The following TRPV4 variants were observed in gnomAD, a reference collection of about 807,000 sequenced individuals.
The protein encoded by TRPV4 is transient receptor potential cation channel subfamily V member 4, also known as OSM9-like transient receptor potential channel 4.
A neutral mutation model predicts 84.1 loss-of-function variants in TRPV4; 58 were observed. The ratio of observed to expected loss-of-function variants is 0.69; its 90% CI spans 0.56 to 0.86. The LOEUF is 0.86. Among genes scored for constraint, TRPV4 ranks in the 40% least tolerant of loss-of-function variants. The pLI is 0.00. For missense variants in TRPV4, 879 were observed against 1,181.1 expected (o/e 0.74, Z 3.75); for synonymous variants, 489 against 500.9 (o/e 0.98, Z 0.32).
chr12:109,814,672 C>T lies in TRPV4; in HGVS notation c.125G>A (p.Gly42Glu). 6.2e-7 allele frequency: 1 copy of T among 1,612,980 alleles called. No homozygotes were observed. The highest frequency in any genetic ancestry group is 8.5e-7 in the Non-Finnish European group (1 of 1,179,712). The change falls in exon 2 of 16, where the codon GGG becomes GAG. Residue 42 changes from glycine to glutamate, a missense_variant. By Grantham distance (98) the Gly-to-Glu change is moderately conservative. This residue lies in a region of TRPV4 where 107 missense variants were observed against 99.4 expected (regional missense o/e 1.08). Transcript: ENST00000261740. This position sits in a 1 kb window ranked among gnomAD's most constrained non-coding sequence, Gnocchi z 5.4. ...PLSSLANLFE[G>E]EDGSLSPSPA... Reference sequence around the variant, plus strand: ...TGAGGGCGAAAGGGAGCCATCCTCCCCCTCAAACAGATTGGCCAGGGAGGA... The same window carrying T: ...TGAGGGCGAAAGGGAGCCATCCTCCTCCTCAAACAGATTGGCCAGGGAGGA...
intron 4 of TRPV4, among the ~76,000 whole-genome samples, chr12:109,802,611 T>TTTA (rs1219584393): frequency 1.1e-5 from 1 of 91,654 alleles, no homozygotes; most frequent in Non-Finnish European, 2.0e-5. Flanking sequence ...CTTCTTTTAT[T>TTTA]TTATTTTTTT....
chr12:109,806,755 C>G (rs1047810616), intron 3 of TRPV4, among the ~76,000 whole-genome samples: 1 of 150,326 alleles, frequency 6.7e-6, no homozygotes, highest in Non-Finnish European at 1.5e-5. Context: ...CAACTACTCT[C>G]GAGGCCGAAG....
At chr12:109,820,514 C>CTTTTTTTTTTTTTTTTTTTTTTTTT (rs1186445597) in intron 1 of TRPV4, among the ~76,000 whole-genome samples, 1 of 123,078 alleles carries the variant, frequency 8.1e-6, no homozygotes, top group African/African-American at 3.1e-5. Context: ...TTCAGCTGCC[C>CTTTTTTTTTTTTTTTTTTTTTTTTT]TATTTTTTTT....
chr12:109,805,996 T>C (rs962721000), intron 3 of TRPV4, among the ~76,000 whole-genome samples: 14 of 152,198 alleles, frequency 9.2e-5, no homozygotes, highest in African/African-American at 3.4e-4. Context: ...CCTCACGTAC[T>C]TGGTGGACCA....
At chr12:109,825,727 G>A (rs1159346348) in intron 1 of TRPV4, among the ~76,000 whole-genome samples, 4 of 152,278 alleles carry the variant, frequency 2.6e-5, no homozygotes, top group Admixed American at 6.5e-5. Context: ...CCATGCATAC[G>A]TTCCTCTACC....
intron 1 of TRPV4, among the ~76,000 whole-genome samples, chr12:109,823,317 G>A (rs1892162256): frequency 6.6e-6 from 1 of 152,220 alleles, no homozygotes; most frequent in African/African-American, 2.4e-5. Flanking sequence ...ACACCACCCA[G>A]GCAGGGCAGG....
chr12:109,783,393 T>G lies in TRPV4; in HGVS notation c.*228A>C. ...GGCCTGAGGTGGAGGGGCTCTGGCG[T>G]TGGCTTATGTGACTCCATAGGAGCA... On this transcript the variant is annotated 3_prime_UTR_variant, in exon 16 of 16. Coordinates refer to ENST00000261740, the MANE Select transcript of TRPV4 (RefSeq NM_021625.5). The surrounding 1 kb of genome is among the most constrained non-coding windows in gnomAD (Gnocchi z 4.6). 1.9e-6 allele frequency: 1 copy of G among 527,220 alleles called. No homozygotes were observed. The highest frequency in any genetic ancestry group is 3.3e-6 in the Non-Finnish European group (1 of 301,304). 32.7% of individuals were successfully genotyped at this position (527,220 alleles called of 1,614,324 possible). A position where few individuals can be genotyped will look rare whatever the true frequency, so the allele number is the denominator to read the frequency against.
chr12:109,784,766 C>A (rs1247839094), intron 14 of TRPV4, among the ~76,000 whole-genome samples: 4 of 149,806 alleles, frequency 2.7e-5, no homozygotes, highest in Non-Finnish European at 5.9e-5. Context: ...ATCACTTGAA[C>A]CTGGGAGGCA....
chr12:109,828,617 C>A (rs1358552996), intron 1 of TRPV4, among the ~76,000 whole-genome samples: 1 of 152,218 alleles, frequency 6.6e-6, no homozygotes, highest in Non-Finnish European at 1.5e-5. Context: ...CACAGAGCAG[C>A]AACTGGCGGA....
chr12:109,824,819 C>G (rs1592873868), intron 1 of TRPV4, among the ~76,000 whole-genome samples: 1 of 152,154 alleles, frequency 6.6e-6, no homozygotes, highest in East Asian at 1.9e-4. Flanking sequence ...AGGATGGTCA[C>G]AGCCACGGAG....
Position 109,814,338 on chromosome 12 carries a change from A to T in TRPV4, c.386+73T>A. The T allele has an allele frequency of 1.3e-6, 2 of 1,531,506 alleles. No homozygotes were observed. Among genetic ancestry groups the T allele is most frequent in the Non-Finnish European group, 1.8e-6 (2 of 1,120,682 alleles). 94.9% of individuals were successfully genotyped at this position (1,531,506 alleles called of 1,614,324 possible). The stretch of plus-strand genomic sequence containing the variant: ...ATCGACGGATGGGTGGATAATAGAT[A>T]GAGGGGTGGATGATGAATGGGTGAA... On this transcript the variant is annotated intron_variant, in intron 2 of 15. Transcript: ENST00000261740. This position sits in a 1 kb window ranked among gnomAD's most constrained non-coding sequence, Gnocchi z 5.4.
intron 1 of TRPV4, among the ~76,000 whole-genome samples, chr12:109,830,825 T>C (rs973652535): frequency 6.6e-6 from 1 of 152,116 alleles, no homozygotes; most frequent in Non-Finnish European, 1.5e-5. Flanking sequence ...ATCTCAAAAG[T>C]ATTTGTTCAG....
In TRPV4 at chr12:109,786,625, G is replaced by T; in HGVS notation, c.2336+85C>A. The T allele has an allele frequency of 6.4e-7, 1 of 1,562,836 alleles. No homozygotes were observed. ...CTCAGTGGCTCCAGAAATTGCAATGGGTAGACGACGCTGGAGCAGCAGGGG... is the reference window on the plus strand; with the variant it reads ...CTCAGTGGCTCCAGAAATTGCAATGTGTAGACGACGCTGGAGCAGCAGGGG... On this transcript the variant is annotated intron_variant, in intron 14 of 15. Coordinates refer to ENST00000261740, the MANE Select transcript of TRPV4 (RefSeq NM_021625.5). The surrounding 1 kb of genome is among the most constrained non-coding windows in gnomAD (Gnocchi z 4.5).
chr12:109,788,230 C>G (rs1471609340), intron 13 of TRPV4, among the ~76,000 whole-genome samples, 170 bp downstream of exon 13: 1 of 152,234 alleles, frequency 6.6e-6, no homozygotes, highest in Non-Finnish European at 1.5e-5. Flanking sequence ...CTAGGCAGCT[C>G]TGGGAAGTCA....
At chr12:109,827,918 A>G (rs1409099760) in intron 1 of TRPV4, among the ~76,000 whole-genome samples, 1 of 152,070 alleles carries the variant, frequency 6.6e-6, no homozygotes, top group Non-Finnish European at 1.5e-5. Context: ...ACGCACATCA[A>G]TATACACACA....
intron 5 of TRPV4, 113 bp downstream of exon 5, chr12:109,800,505 A>G (rs894686698): frequency 1.2e-5 from 17 of 1,377,752 alleles, no homozygotes; most frequent in Non-Finnish European, 1.6e-5. Context: ...TCATGGCCAG[A>G]GTGGCCCTGG....
chr12:109,793,551 A>T lies in TRPV4; in HGVS notation c.1634T>A (p.Ile545Asn), dbSNP rs757630049. 3.2e-5 allele frequency: 51 copies of T among 1,613,984 alleles called. No individual in the cohort carries two copies. Among genetic ancestry groups the T allele is most frequent in the Non-Finnish European group, 4.2e-5 (50 of 1,180,020 alleles). Residue 545 changes from isoleucine (I) to asparagine (N), a missense_variant, in exon 10 of 16, where the codon ATT becomes AAT. This residue lies in a region of TRPV4 where 521 missense variants were observed against 686.6 expected (regional missense o/e 0.76). Coordinates refer to ENST00000261740, the MANE Select transcript of TRPV4 (RefSeq NM_021625.5). This position sits in a 1 kb window ranked among gnomAD's most constrained non-coding sequence, Gnocchi z 4.0. ...KKCPGVNSLF[I>N]DGSFQLLYFI... is the part of the protein sequence containing the mutation. ...CTAGAGCAGCTGGAAGGAGCCATCA[A>T]TGAAGAGAGAATTCACTCCAGGGCA... is the stretch of plus-strand genomic sequence containing the variant.
chr12:109,821,680 AC>A (rs1450733772), intron 1 of TRPV4, among the ~76,000 whole-genome samples: 8 of 152,094 alleles, frequency 5.3e-5, no homozygotes, highest in Admixed American at 5.2e-4. Flanking sequence ...ACAGGCATGC[AC>A]CACAACACCC....
intron 13 of TRPV4, among the ~76,000 whole-genome samples, chr12:109,787,691 C>T (rs1208275102): frequency 2.6e-5 from 4 of 152,194 alleles, no homozygotes; most frequent in Admixed American, 2.6e-4. Context: ...TTCCCTCAGA[C>T]CCAGTCCTGG....
Sources: allele counts gnomAD v4.1 joint callset (sites outside exome capture counted in the v4.1 genomes callset), GRCh38; gene constraint gnomAD v4.1.1; regional missense constraint gnomAD v4.1.1; non-coding constraint Gnocchi (gnomAD v3.1); transcripts MANE v1.5; gene names NCBI Gene and HGNC (gene_info 2026-07-23, HGNC 2026-07-21).